FBXO25: variants seen among roughly 807,000 people sequenced by gnomAD.
FBXO25 encodes the protein F-box only protein 25.
A neutral mutation model predicts 51.9 loss-of-function variants in FBXO25; 45 were observed. The ratio of observed to expected loss-of-function variants is 0.87; its 90% CI spans 0.68 to 1.11. The LOEUF (loss-of-function observed/expected upper bound fraction) is 1.11. Among genes scored for constraint, FBXO25 ranks in the 50% most tolerant of loss-of-function variants. The pLI is 0.00. For missense variants in FBXO25, 507 were observed against 428.5 expected, an observed-to-expected ratio of 1.18 and a Z score of -1.62; for synonymous variants, 199 against 151.0, an observed-to-expected ratio of 1.32 and a Z score of -2.33.
chr8:461,103 T>C (rs776837914), intron 8 of FBXO25, among the ~76,000 whole-genome samples: 1 of 152,244 alleles, frequency 6.6e-6, no homozygotes, highest in Non-Finnish European at 1.5e-5. Context: ...GGCTTTTGTA[T>C]GCACTCAAAC....
At chr8:410,350 T>C (rs1796415983) in intron 1 of FBXO25, among the ~76,000 whole-genome samples, 1 of 152,200 alleles carries the variant, frequency 6.6e-6, no homozygotes, top group Non-Finnish European at 1.5e-5. Flanking sequence ...TAATAACATG[T>C]AGTTGGTGCT....
At chr8:456,010 T>A (rs1799403990) in intron 7 of FBXO25, among the ~76,000 whole-genome samples, 1 of 152,226 alleles carries the variant, frequency 6.6e-6, no homozygotes, top group Admixed American at 6.5e-5. Context: ...GGATTTTTTT[T>A]CTTCGTACTA....
intron 2 of FBXO25, among the ~76,000 whole-genome samples, chr8:423,651 T>G (rs1756527164): frequency 6.6e-6 from 1 of 152,214 alleles, no homozygotes; most frequent in African/African-American, 2.4e-5. Flanking sequence ...GTGTAGTATT[T>G]CATGATGTAT....
chr8:453,122 TG>T (rs1327549841), intron 7 of FBXO25, among the ~76,000 whole-genome samples: 17 of 152,276 alleles, frequency 1.1e-4, no homozygotes, highest in African/African-American at 4.8e-5. Context: ...GAAGGATAGG[TG>T]TTACTGTAGT....
chr8:467,274 C>G (rs1218781293), intron 9 of FBXO25, among the ~76,000 whole-genome samples: 1 of 152,152 alleles, frequency 6.6e-6, no homozygotes, highest in African/African-American at 2.4e-5. Flanking sequence ...GTGGAATTGA[C>G]TTAATGTGCA....
intron 1 of FBXO25, among the ~76,000 whole-genome samples, chr8:411,437 C>T (rs1796477537): frequency 6.6e-6 from 1 of 152,106 alleles, no homozygotes; most frequent in African/African-American, 2.4e-5. Context: ...TTTTTCTTGG[C>T]TCTCTTGATT....
At chr8:417,422 A>G (rs1269521959) in intron 2 of FBXO25, among the ~76,000 whole-genome samples, 1 of 152,228 alleles carries the variant, frequency 6.6e-6, no homozygotes, top group African/African-American at 2.4e-5. Context: ...TGGATGAGGA[A>G]GGGCTCAAAT....
chr8:458,267 T>C (rs1217904773), intron 7 of FBXO25, 102 bp from the exon 8 acceptor site: 11 of 1,333,066 alleles, frequency 8.3e-6, no homozygotes, highest in Non-Finnish European at 1.1e-5. Context: ...TCTTTTTGTG[T>C]TACCATGTTT....
intron 4 of FBXO25, among the ~76,000 whole-genome samples, chr8:433,614 G>A (rs1017705499): frequency 2.0e-5 from 3 of 152,186 alleles, no homozygotes; most frequent in African/African-American, 7.2e-5. Flanking sequence ...AGAGCTTCAA[G>A]CTGTTTCCTG....
intron 2 of FBXO25, among the ~76,000 whole-genome samples, chr8:423,255 T>G (rs1280361503): frequency 2.0e-5 from 3 of 152,176 alleles, no homozygotes; most frequent in African/African-American, 7.2e-5. Flanking sequence ...TCTTCACCAT[T>G]GTGGTTCTTA....
chr8:451,499 T>C, intron 7 of FBXO25, 46 bp downstream of exon 7: 1 of 1,536,064 alleles, frequency 6.5e-7, no homozygotes, highest in Non-Finnish European at 8.9e-7. Flanking sequence ...GTTTTTATAT[T>C]ACAGAAGTTA....
At chr8:428,981 A>G (rs1196805467) in intron 2 of FBXO25, among the ~76,000 whole-genome samples, 1 of 152,204 alleles carries the variant, frequency 6.6e-6, no homozygotes, top group African/African-American at 2.4e-5. Flanking sequence ...TATCTGTTGC[A>G]AGTAATACTG....
At chr8:454,410 G>T (rs1799286142) in intron 7 of FBXO25, among the ~76,000 whole-genome samples, 1 of 152,198 alleles carries the variant, frequency 6.6e-6, no homozygotes, top group Non-Finnish European at 1.5e-5. Flanking sequence ...GCCCCCATGT[G>T]CTCGCTGGGC....
chr8:423,070 C>G (rs1167980286), intron 2 of FBXO25, among the ~76,000 whole-genome samples: 1 of 152,214 alleles, frequency 6.6e-6, no homozygotes, highest in South Asian at 2.1e-4. Flanking sequence ...TGCAGCAGCA[C>G]TACTAACTGA....
intron 5 of FBXO25, among the ~76,000 whole-genome samples, chr8:436,221 C>G (rs1798094710): frequency 6.6e-6 from 1 of 152,084 alleles, no homozygotes; most frequent in Non-Finnish European, 1.5e-5. Flanking sequence ...GGGCCACACT[C>G]AAAAAGAAAG....
At chr8:425,019 A>T (rs1797385279) in intron 2 of FBXO25, among the ~76,000 whole-genome samples, 6 of 152,178 alleles carry the variant, frequency 3.9e-5, no homozygotes, top group Admixed American at 3.9e-4. Flanking sequence ...AGTTTTATAA[A>T]GTTGCCTGTA....
At chr8:456,796 G>T (rs1799467495) in intron 7 of FBXO25, among the ~76,000 whole-genome samples, 1 of 152,198 alleles carries the variant, frequency 6.6e-6, no homozygotes, top group African/African-American at 2.4e-5. Flanking sequence ...GCTGCCCACT[G>T]GGATGCATGA....
intron 1 of FBXO25, among the ~76,000 whole-genome samples, chr8:412,657 A>G (rs1055366417): frequency 2.6e-5 from 4 of 152,192 alleles, no homozygotes; most frequent in Non-Finnish European, 5.9e-5. Context: ...TCTCTCATCT[A>G]TTCTAAGCTT....
chr8:438,089 C>T (rs1482683300), intron 5 of FBXO25, among the ~76,000 whole-genome samples: 1 of 150,272 alleles, frequency 6.7e-6, no homozygotes, highest in Non-Finnish European at 1.5e-5. Context: ...GAGTCTCACT[C>T]TGTTGCCCAG....
Sources: gnomAD v4.1 joint callset for allele counts (sites outside exome capture counted in the v4.1 genomes callset) on GRCh38, gnomAD v4.1.1 for gene constraint, MANE v1.5 for transcripts, NCBI Gene and HGNC (gene_info 2026-07-23, HGNC 2026-07-21) for gene names.